The following RGL1 variants were observed in gnomAD, a reference collection of about 807,000 sequenced individuals.
The protein encoded by RGL1 is ral guanine nucleotide dissociation stimulator like 1, also known as ral guanine nucleotide dissociation stimulator-like 1.
In RGL1, 24 loss-of-function variants were observed where a neutral mutation model predicts 95.2. The observed-to-expected ratio is 0.25, with a 90% confidence interval of 0.18 to 0.35. The LOEUF is 0.35. RGL1 is among the 10% of genes least tolerant of loss of function. The pLI is 1.00. For synonymous variants in RGL1, 329 were observed against 344.9 expected (o/e 0.95, Z 0.51); for missense variants, 715 against 936.3 (o/e 0.76, Z 3.08).
At chr1:183,690,896 A>G (rs1453403787) in intron 1 of RGL1, among the ~76,000 whole-genome samples, 1 of 152,182 alleles carries the variant, frequency 6.6e-6, no homozygotes, top group Admixed American at 6.5e-5. Context: ...AATGGAAAGC[A>G]AGTCATGTTA....
At chr1:183,700,112 C>T (rs1201193988) in intron 1 of RGL1, among the ~76,000 whole-genome samples, 1 of 152,206 alleles carries the variant, frequency 6.6e-6, no homozygotes, top group Non-Finnish European at 1.5e-5. Flanking sequence ...CCTCTTCCCA[C>T]TCCTACCCTC....
intron 4 of RGL1, among the ~76,000 whole-genome samples, chr1:183,871,507 C>T (rs1666181609): frequency 6.6e-6 from 1 of 152,182 alleles, no homozygotes; most frequent in Non-Finnish European, 1.5e-5. Context: ...CAGGGACTCA[C>T]TATTGGATTT....
Position 183,726,051 on chromosome 1 carries a change from T to G in RGL1, c.-32-16075T>G, listed in dbSNP as rs371088984. 3.3e-5 allele frequency among the ~76,000 whole-genome samples: 5 copies of G among 152,122 alleles called. No homozygotes were observed. The South Asian group carries it at 6.2e-4, about 19-fold the overall frequency. Reference sequence around the variant, plus strand: ...TACTTGGAAATTAAATAGCATACATTGAAGTAATTAATGGTTTAAAGATGA... The same window carrying G: ...TACTTGGAAATTAAATAGCATACATGGAAGTAATTAATGGTTTAAAGATGA... On this transcript the variant is annotated intron_variant, in intron 1 of 18. Coordinates refer to the RGL1 transcript ENST00000304685.
intron 3 of RGL1, among the ~76,000 whole-genome samples, chr1:183,854,354 G>C (rs751940637): frequency 2.0e-5 from 3 of 152,182 alleles, no homozygotes; most frequent in Non-Finnish European, 4.4e-5. Flanking sequence ...TGAAGGGTCA[G>C]GGATAGCAAA....
chr1:183,777,178 A>G (rs1659648717), intron 2 of RGL1, among the ~76,000 whole-genome samples: 1 of 152,206 alleles, frequency 6.6e-6, no homozygotes, highest in South Asian at 2.1e-4. Context: ...AGACTTGAAG[A>G]TAGCCTTTGG....
At chr1:183,785,700 G>T (rs1237150695) in intron 2 of RGL1, among the ~76,000 whole-genome samples, 4 of 152,202 alleles carry the variant, frequency 2.6e-5, no homozygotes, top group Non-Finnish European at 5.9e-5. Flanking sequence ...CATTGGGAAT[G>T]AAAAGGATAA....
chr1:183,836,175 A>G (rs529544290), intron 2 of RGL1, among the ~76,000 whole-genome samples: 1 of 152,214 alleles, frequency 6.6e-6, no homozygotes, highest in South Asian at 2.1e-4. Context: ...CAGTCTAAGA[A>G]TGGTTTTCTT....
At chr1:183,707,756 G>A (rs544302553) in intron 1 of RGL1, among the ~76,000 whole-genome samples, 37 of 152,210 alleles carry the variant, frequency 2.4e-4, no homozygotes, top group Non-Finnish European at 4.6e-4. Context: ...ATGGCAGCTG[G>A]GAAGATGGCG....
intron 2 of RGL1, among the ~76,000 whole-genome samples, chr1:183,797,504 T>TAA (rs1660759362): frequency 6.6e-6 from 1 of 152,206 alleles, no homozygotes; most frequent in Admixed American, 6.5e-5. Flanking sequence ...TACGTCTGCC[T>TAA]AAAGTGGGCT....
intron 2 of RGL1, among the ~76,000 whole-genome samples, chr1:183,766,039 A>T (rs917521789): frequency 8.5e-5 from 13 of 152,068 alleles, no homozygotes. Context: ...TATGTAACAA[A>T]CCTGCACGTT....
intron 2 of RGL1, among the ~76,000 whole-genome samples, chr1:183,795,339 C>G (rs886442666): frequency 6.6e-6 from 1 of 152,194 alleles, no homozygotes; most frequent in Admixed American, 6.5e-5. Flanking sequence ...GAGAAACAGA[C>G]ATTTATCAAA....
chr1:183,772,836 C>T (rs547587488), intron 2 of RGL1, among the ~76,000 whole-genome samples: 3 of 151,180 alleles, frequency 2.0e-5, no homozygotes, highest in African/African-American at 7.3e-5. Context: ...GGTGAAACCC[C>T]GTCTCTACTA....
intron 2 of RGL1, among the ~76,000 whole-genome samples, chr1:183,774,111 G>A (rs1035577541): frequency 1.3e-5 from 2 of 152,186 alleles, no homozygotes; most frequent in African/African-American, 4.8e-5. Context: ...TTGATACAAA[G>A]TATGCATATG....
At chr1:183,903,541 T>C (rs77820783) in intron 12 of RGL1, among the ~76,000 whole-genome samples, 2,401 of 152,188 alleles carry the variant, frequency 0.016, 66 homozygotes, top group African/African-American at 0.055. Context: ...TCCACAAATA[T>C]TGACTGTCTA....
intron 1 of RGL1, among the ~76,000 whole-genome samples, chr1:183,641,471 A>G (rs1649919025): frequency 6.6e-6 from 1 of 151,704 alleles, no homozygotes. Flanking sequence ...GTGTCTCCCT[A>G]TGTTGCCCAG....
chr1:183,909,673 T>G (rs1382731895), intron 14 of RGL1, among the ~76,000 whole-genome samples: 1 of 152,168 alleles, frequency 6.6e-6, no homozygotes, highest in Non-Finnish European at 1.5e-5. Flanking sequence ...CTCTTGGAAT[T>G]CAAGCATATA....
chr1:183,797,058 G>A (rs1234370137), intron 2 of RGL1, among the ~76,000 whole-genome samples: 5 of 152,066 alleles, frequency 3.3e-5, no homozygotes, highest in East Asian at 1.9e-4. Context: ...GGCCGGGCAC[G>A]GTGGCTCACA....
chr1:183,683,537 G>C (rs535195578), intron 1 of RGL1, among the ~76,000 whole-genome samples: 2 of 152,202 alleles, frequency 1.3e-5, no homozygotes, highest in African/African-American at 4.8e-5. Context: ...GAGATCCACT[G>C]TTAGTCTGAT....
intron 2 of RGL1, among the ~76,000 whole-genome samples, chr1:183,797,056 A>G (rs2500096): frequency 1 from 152,102 of 152,336 alleles, 75,935 homozygotes; most frequent in Middle Eastern, 1. Flanking sequence ...TTGGCCGGGC[A>G]CGGTGGCTCA....
Sources: allele counts gnomAD v4.1 joint callset (sites outside exome capture counted in the v4.1 genomes callset), GRCh38; gene constraint gnomAD v4.1.1; transcripts MANE v1.5; gene names NCBI Gene and HGNC (gene_info 2026-07-23, HGNC 2026-07-21).